RPP30: variants seen among roughly 807,000 people sequenced by gnomAD.
The protein encoded by RPP30 is ribonuclease P protein subunit p30.
Under a neutral mutation model 38.6 loss-of-function variants are expected in RPP30, and 36 were observed. The observed-to-expected ratio is 0.93, with a 90% CI of 0.71 to 1.23. The LOEUF (loss-of-function observed/expected upper bound fraction) is 1.23. Ranked by LOEUF, RPP30 falls within the 50% of genes most tolerant of loss-of-function variation. RPP30 has a pLI of 0.00. For synonymous variants in RPP30, 126 were observed against 112.7 expected, an observed-to-expected ratio of 1.12 and a Z score of -0.75; for missense variants, 321 against 321.7, an observed-to-expected ratio of 1.00 and a Z score of 0.02.
chr10:90,875,051 C>T (rs1846833634), intron 2 of RPP30, 127 bp downstream of exon 2: 1 of 516,280 alleles, frequency 1.9e-6, no homozygotes, highest in East Asian at 3.2e-5. Flanking sequence ...TACTACTTTT[C>T]TATTTTATAT....
At chr10:90,880,271 T>C (rs1393632271) in intron 5 of RPP30, 2 of 152,082 alleles carry the variant, frequency 1.3e-5, no homozygotes, top group Admixed American at 6.6e-5. Flanking sequence ...CCTAGATGTA[T>C]CCAGTAGATG....
Position 90,882,133 on chromosome 10 carries a change from C to T in RPP30, c.342+2999C>T, listed in dbSNP as rs1479300617. Among the ~76,000 whole-genome samples the T allele has an allele frequency of 2.0e-5, 3 of 152,100 alleles. No homozygotes were observed. The East Asian group carries it at 5.8e-4, about 29-fold the overall frequency. ...CAGAGAGAGAGTTGCATAGAAGCTT[C>T]TGGAGCTTCTGGACCAATTAATTAT... On this transcript the variant is annotated intron_variant, in intron 5 of 10. Coordinates refer to ENST00000371703, the MANE Select transcript of RPP30 (RefSeq NM_006413.5).
chr10:90,902,153 T>C lies in RPP30; in HGVS notation c.*1474T>C. ...TTATAACCTCACCAATGAATACAAA[T>C]GTTTAAATAAAATATTGATTAAAAA... On this transcript the variant is annotated 3_prime_UTR_variant, in exon 11 of 11. Transcript: ENST00000371703. The C allele has an allele frequency of 1.0e-6, 1 of 978,958 alleles. No individual in the cohort carries two copies. Among genetic ancestry groups the C allele is most frequent in the Non-Finnish European group, 1.2e-6 (1 of 819,294 alleles). The allele number at this position is 978,958 out of a possible 1,614,324, so 60.6% of individuals were successfully genotyped here. A position where few individuals can be genotyped will look rare whatever the true frequency, so the allele number is the denominator to read the frequency against.
At chr10:90,903,975 A>C (rs975301188), downstream of RPP30, among the ~76,000 whole-genome samples, 1 of 152,220 alleles carries the variant, frequency 6.6e-6, no homozygotes, top group Non-Finnish European at 1.5e-5. Flanking sequence ...TTCTCCCCCA[A>C]ATTACGCATT....
chr10:90,896,107 G>C (rs867177747), intron 9 of RPP30, among the ~76,000 whole-genome samples, 190 bp downstream of exon 9: 22 of 152,174 alleles, frequency 1.4e-4, no homozygotes, highest in African/African-American at 5.1e-4. Flanking sequence ...TCATGAGATA[G>C]AAAAGAGGGA....
chr10:90,885,996 A>T (rs537321686), intron 6 of RPP30, 95 bp downstream of exon 6: 5 of 814,716 alleles, frequency 6.1e-6, no homozygotes, highest in Non-Finnish European at 7.6e-6. Context: ...AGAAGGAAAA[A>T]CAAAGGCTAG....
rs777334198 is a variant in RPP30, at chr10:90,902,126, CTTT to C, written c.*1448_*1450del. 181 of 991,952 alleles carry C rather than the reference CTTT, an allele frequency of 1.8e-4. No homozygotes were observed. Among genetic ancestry groups the C allele is most frequent in the Admixed American group, 3.7e-4 (6 of 16,336 alleles). The allele number at this position is 991,952 out of a possible 1,614,324, so 61.4% of individuals were successfully genotyped here. A position where few individuals can be genotyped will look rare whatever the true frequency, so the allele number is the denominator to read the frequency against. On this transcript the variant is annotated 3_prime_UTR_variant, in exon 11 of 11. Transcript: ENST00000371703. The stretch of plus-strand genomic sequence containing the variant: ...AAAATACAGTTTTAAAAAGAGAAAG[CTTT>C]ATAACCTCACCAATGAATACAAATG...
At chr10:90,886,856 A>G (rs1847006231) in intron 6 of RPP30, among the ~76,000 whole-genome samples, 1 of 152,226 alleles carries the variant, frequency 6.6e-6, no homozygotes, top group South Asian at 2.1e-4. Context: ...AACTTTCTCA[A>G]TTTTAATTCT....
downstream of RPP30, chr10:90,902,368 C>T (rs1847214417): frequency 5.4e-6 from 2 of 369,550 alleles, no homozygotes; most frequent in South Asian, 3.8e-5. Flanking sequence ...GAAGCATGCA[C>T]CACCACATCC....
chr10:90,895,809 T>A (rs536721772), intron 8 of RPP30, 71 bp from the exon 9 acceptor site: 86,706 of 1,111,982 alleles, frequency 0.078, 3,923 homozygotes, highest in Non-Finnish European at 0.088. Flanking sequence ...AATTTTCTAT[T>A]AATTTGCTAT....
At chr10:90,894,530 T>C (rs1311771909) in intron 6 of RPP30, among the ~76,000 whole-genome samples, 1 of 152,240 alleles carries the variant, frequency 6.6e-6, no homozygotes, top group Non-Finnish European at 1.5e-5. Flanking sequence ...TCATAATTCC[T>C]GTTTATGTAA....
chr10:90,890,765 A>C (rs1163262099), intron 6 of RPP30, among the ~76,000 whole-genome samples: 1 of 152,178 alleles, frequency 6.6e-6, no homozygotes, highest in Non-Finnish European at 1.5e-5. Context: ...TCATAGACAA[A>C]ATGCTTATTC....
chr10:90,904,998 A>G (rs1356472639), downstream of RPP30, among the ~76,000 whole-genome samples: 7 of 152,164 alleles, frequency 4.6e-5, no homozygotes, highest in Non-Finnish European at 8.8e-5. Context: ...ATACTAGAGG[A>G]AAATGTAAGT....
At chr10:90,902,193 A>C, downstream of RPP30, 1 of 849,516 alleles carries the variant, frequency 1.2e-6, no homozygotes, top group Non-Finnish European at 1.4e-6. Context: ...TTAAAAGTGC[A>C]TCATGACCAG....
chr10:90,884,385 A>G (rs1846972914), intron 5 of RPP30, among the ~76,000 whole-genome samples: 1 of 152,176 alleles, frequency 6.6e-6, no homozygotes, highest in Admixed American at 6.5e-5. Flanking sequence ...GTGCCTGTTC[A>G]TTCATTCTCA....
chr10:90,880,365 A>AAT (rs1397498896), intron 5 of RPP30, among the ~76,000 whole-genome samples: 36 of 107,266 alleles, frequency 3.4e-4, no homozygotes, highest in African/African-American at 1.4e-3. Flanking sequence ...TATTTATATT[A>AAT]ACAGAGAAAC....
chr10:90,878,561 G>A (rs1001935124), intron 4 of RPP30, among the ~76,000 whole-genome samples: 2 of 151,408 alleles, frequency 1.3e-5, no homozygotes, highest in Non-Finnish European at 2.9e-5. Flanking sequence ...GCATGAACGC[G>A]GCTCACTGCA....
At position 90,879,131 on chromosome 10, in the gene RPP30, T is replaced by C. The variant is rs147735522; in HGVS notation, c.339T>C (p.Phe113=). ...TTTTTCCAAAGACAGAAAAGCTTTT[T>C]CATGTGAGTAACAGATAAGTAAAAG... is the stretch of plus-strand genomic sequence containing the variant. ...VAVFPKTEKL[F]HIACTHLDVD... is the part of the protein sequence containing the mutation. Residue 113 remains phenylalanine, a synonymous_variant, in exon 5 of 11, where the codon TTT becomes TTC. Transcript: ENST00000371703. The C allele has an allele frequency of 7.0e-4, 1,121 of 1,612,788 alleles. No individual in the cohort carries two copies. Among genetic ancestry groups the C allele is most frequent in the Non-Finnish European group, 8.6e-4 (1,013 of 1,178,956 alleles).
At position 90,901,200 on chromosome 10, in the gene RPP30, TG is replaced by T; in HGVS notation, c.*523del. ...CATGGTCTCACTATGTTGCTGAGGC[TG>T]GTCTCAAACTCCTAGGATCAAGCCA... On this transcript the variant is annotated 3_prime_UTR_variant, in exon 11 of 11. Transcript: ENST00000371703. 1 of 370,702 alleles carries T rather than the reference TG, an allele frequency of 2.7e-6. No homozygotes were observed. The highest frequency in any genetic ancestry group is 3.7e-6 in the Non-Finnish European group (1 of 270,320). 23.0% of individuals were successfully genotyped at this position (370,702 alleles called of 1,614,324 possible).
Sources: gnomAD v4.1 joint callset for allele counts (sites outside exome capture counted in the v4.1 genomes callset) on GRCh38, gnomAD v4.1.1 for gene constraint, MANE v1.5 for transcripts, NCBI Gene and HGNC (gene_info 2026-07-23, HGNC 2026-07-21) for gene names.